SYNJ2: variants seen among roughly 807,000 people sequenced by gnomAD.
SYNJ2 encodes the protein polyphosphatidylinositol phosphatase SYNJ2.
In SYNJ2, 116 loss-of-function variants were observed where a neutral mutation model predicts 141.3. The observed-to-expected ratio is 0.82, with a 90% CI of 0.71 to 0.96. The LOEUF (loss-of-function observed/expected upper bound fraction) is 0.96, where lower values mean the gene tolerates loss of function less well. SYNJ2 is among the 40% of genes least tolerant of loss of function. The probability of loss-of-function intolerance (pLI) is 0.00; values close to 1 mark genes in which losing one functional copy is unlikely to be tolerated. For missense variants in SYNJ2, 1,873 were observed against 1,934.8 expected, an observed-to-expected ratio of 0.97 and a Z score of 0.60; for synonymous variants, 745 against 777.7, an observed-to-expected ratio of 0.96 and a Z score of 0.70.
rs1782093333 is a variant in SYNJ2, at chr6:158,073,833, G to C, written c.2134-747G>C. ...TGATTTTGGAGCTAGGCAGATGGGA[G>C]CTGAAATCCCATCTGTATCATGCAC... On this transcript the variant is annotated intron_variant, in intron 15 of 26. Transcript: ENST00000355585. 2.0e-5 allele frequency among the ~76,000 whole-genome samples: 3 copies of C among 152,092 alleles called. No individual in the cohort carries two copies. The South Asian group carries it at 6.2e-4, about 32-fold the overall frequency.
chr6:157,997,774 C>A (rs1777691821), intron 1 of SYNJ2, among the ~76,000 whole-genome samples: 1 of 152,168 alleles, frequency 6.6e-6, no homozygotes, highest in African/African-American at 2.4e-5. Flanking sequence ...AAAAAAATAG[C>A]CAAGATTTTG....
chr6:157,991,022 T>C (rs1303213360), intron 1 of SYNJ2, among the ~76,000 whole-genome samples: 1 of 152,150 alleles, frequency 6.6e-6, no homozygotes, highest in Non-Finnish European at 1.5e-5. Context: ...CCCAGTCTCT[T>C]TTTCAGCTGC....
At chr6:158,016,191 G>A (rs1778446950) in intron 1 of SYNJ2, among the ~76,000 whole-genome samples, 2 of 152,294 alleles carry the variant, frequency 1.3e-5, no homozygotes, top group South Asian at 4.1e-4. Context: ...TCGGCTCACT[G>A]CAACCTCCAC....
Position 158,083,459 on chromosome 6 carries a change from A to C in SYNJ2, c.2896A>C (p.Lys966Gln). 6.2e-7 allele frequency: 1 copy of C among 1,614,156 alleles called. No individual in the cohort carries two copies. Among genetic ancestry groups the C allele is most frequent in the Non-Finnish European group, 8.5e-7 (1 of 1,180,016 alleles). Reference sequence around the variant, plus strand: ...AGGCAGAGCAGTGAAGATTAGACCGAAGACCAAGGACTGGCTGAAAGGTTT... The same window carrying C: ...AGGCAGAGCAGTGAAGATTAGACCGCAGACCAAGGACTGGCTGAAAGGTTT... Reference protein sequence around the residue: ...VKGRAVKIRPKTKDWLKGLRE... With the variant: ...VKGRAVKIRPQTKDWLKGLRE... Residue 966 changes from lysine to glutamine, a missense_variant, in exon 21 of 27, where the codon AAG (lysine) becomes CAG (glutamine). Lys to Gln is a moderately conservative substitution (Grantham distance 53). Transcript: ENST00000355585.
intron 4 of SYNJ2, among the ~76,000 whole-genome samples, chr6:158,035,587 G>A (rs1357940126): frequency 6.6e-6 from 1 of 152,194 alleles, no homozygotes; most frequent in Non-Finnish European, 1.5e-5. Context: ...ATAGAATCAT[G>A]TTGATTGCAA....
rs757943502 is a variant in SYNJ2 at position 158,064,939 on chromosome 6, C to T, written c.1473C>T (p.Gly491=). 3.1e-6 allele frequency: 5 copies of T among 1,612,548 alleles called. No homozygotes were observed. The highest frequency in any genetic ancestry group is 3.3e-5 in the Admixed American group (2 of 59,798). The change falls in exon 11 of 27, where the codon GGC becomes GGT. Residue 491 remains glycine, a synonymous_variant. Coordinates refer to ENST00000355585, the MANE Select transcript of SYNJ2 (RefSeq NM_003898.4). ...TGCTGCTGGTTGGGGACGTCTACGG[C>T]GAGGAGGTGGCAGACAAAGGGGGCA... The part of the protein sequence containing the change: ...IKLLLVGDVY[G]EEVADKGGML...
At chr6:158,054,720 C>A (rs1442323306) in intron 5 of SYNJ2, among the ~76,000 whole-genome samples, 1 of 152,180 alleles carries the variant, frequency 6.6e-6, no homozygotes, top group African/African-American at 2.4e-5. Context: ...TTGCAGCAGA[C>A]ATGGTCATGT....
At chr6:157,987,723 C>T (rs1257652366) in intron 1 of SYNJ2, among the ~76,000 whole-genome samples, 1 of 152,190 alleles carries the variant, frequency 6.6e-6, no homozygotes, top group Non-Finnish European at 1.5e-5. Context: ...GTAGGGAGAA[C>T]ATTTGAAATT....
Position 158,066,424 on chromosome 6 carries a change from C to A in SYNJ2, c.1526-20C>A. ...GCTTTGGAACTGCAAAGAAATGTGC[C>A]TTTTTATGCCTCCTGACAGTGACTC... On this transcript the variant is annotated intron_variant, in intron 11 of 26. Transcript: ENST00000355585. The A allele has an allele frequency of 6.2e-7, 1 of 1,613,414 alleles. No homozygotes were observed.
chr6:158,039,776 C>T (rs1779840063), intron 4 of SYNJ2, among the ~76,000 whole-genome samples: 1 of 152,030 alleles, frequency 6.6e-6, no homozygotes. Context: ...CAGGGAGCAA[C>T]TTTGAGGAAA....
intron 17 of SYNJ2, among the ~76,000 whole-genome samples, chr6:158,077,326 CAAAT>C: frequency 6.6e-6 from 1 of 152,302 alleles, no homozygotes; most frequent in African/African-American, 2.4e-5. Flanking sequence ...CAGTGACCTG[CAAAT>C]AGGTCTGCTC....
At chr6:158,003,023 T>C (rs1583301153) in intron 1 of SYNJ2, among the ~76,000 whole-genome samples, 1 of 151,962 alleles carries the variant, frequency 6.6e-6, no homozygotes, top group Non-Finnish European at 1.5e-5. Flanking sequence ...CAGGGAGGGG[T>C]GTGGAAAGTG....
chr6:158,055,159 T>G, intron 6 of SYNJ2, 131 bp downstream of exon 6: 2 of 920,854 alleles, frequency 2.2e-6, no homozygotes, highest in Non-Finnish European at 3.3e-6. Flanking sequence ...TGCTTTCCCT[T>G]TGGTCCTTTA....
intron 20 of SYNJ2, among the ~76,000 whole-genome samples, chr6:158,083,073 C>T (rs1782803083): frequency 6.7e-6 from 1 of 148,832 alleles, no homozygotes; most frequent in South Asian, 2.1e-4. Flanking sequence ...GCTGGGACTA[C>T]AGGCACTCAC....
chr6:158,096,315 A>G lies in SYNJ2; in HGVS notation c.4442A>G (p.Gln1481Arg). Reference protein sequence around the residue: ...TLGHWVTISDQEKRTALQVFD... With the variant: ...TLGHWVTISDREKRTALQVFD... ...GGTCACTGGGTGACAATCAGTGACC[A>G]AGAAAAGAGGACAGCACTGCAGGTG... The change falls in exon 27 of 27, where the codon CAA (glutamine) becomes CGA (arginine). Residue 1481 changes from glutamine to arginine, a missense_variant. By Grantham distance (43) the Gln-to-Arg change is conservative. Coordinates refer to ENST00000355585, the MANE Select transcript of SYNJ2 (RefSeq NM_003898.4). 6.2e-7 allele frequency: 1 copy of G among 1,613,646 alleles called. No homozygotes were observed. Among genetic ancestry groups the G allele is most frequent in the Non-Finnish European group, 8.5e-7 (1 of 1,179,924 alleles).
chr6:158,044,018 A>T (rs1479046031), intron 5 of SYNJ2, among the ~76,000 whole-genome samples: 1 of 152,200 alleles, frequency 6.6e-6, no homozygotes, highest in East Asian at 1.9e-4. Flanking sequence ...CTCCTTCACC[A>T]GGGTCTCTAA....
Position 158,081,314 on chromosome 6 carries a change from A to G in SYNJ2, c.2773A>G (p.Ile925Val), listed in dbSNP as rs985655312. ...LMQTLGSYGT[I>V]VLVRINQGQM... ...GCAGACCTTGGGGAGTTATGGGACA[A>G]TTGTTCTTGTCAGGTAACTGCTCCC... Residue 925 changes from isoleucine (I) to valine (V), a missense_variant, in exon 19 of 27, where the codon ATT (isoleucine) becomes GTT (valine). Ile to Val is a conservative substitution (Grantham distance 29). Coordinates refer to ENST00000355585, the MANE Select transcript of SYNJ2 (RefSeq NM_003898.4). 3.1e-6 allele frequency: 5 copies of G among 1,614,094 alleles called. No individual in the cohort carries two copies. Among genetic ancestry groups the G allele is most frequent in the Non-Finnish European group, 4.2e-6 (5 of 1,180,010 alleles).
intron 5 of SYNJ2, among the ~76,000 whole-genome samples, chr6:158,052,366 A>T (rs1334526430): frequency 6.6e-6 from 1 of 152,260 alleles, no homozygotes; most frequent in Non-Finnish European, 1.5e-5. Context: ...AGTAGGTTGC[A>T]TATATCACAT....
intron 1 of SYNJ2, among the ~76,000 whole-genome samples, chr6:158,013,367 C>T (rs1583316746): frequency 6.6e-6 from 1 of 151,894 alleles, no homozygotes; most frequent in Non-Finnish European, 1.5e-5. Flanking sequence ...GGCAACACAG[C>T]GAGACTGTCA....
Sources: allele counts gnomAD v4.1 joint callset (sites outside exome capture counted in the v4.1 genomes callset), GRCh38; gene constraint gnomAD v4.1.1; transcripts MANE v1.5; gene names NCBI Gene and HGNC (gene_info 2026-07-23, HGNC 2026-07-21).